The following TRIM37 variants were observed in gnomAD, a reference collection of about 807,000 sequenced individuals.
The protein encoded by TRIM37 is tripartite motif containing 37, also known as E3 ubiquitin-protein ligase TRIM37.
In TRIM37, 80 loss-of-function variants were observed where a neutral mutation model predicts 129.8. The ratio of observed to expected loss-of-function variants is 0.62; its 90% CI spans 0.51 to 0.74. TRIM37 has a LOEUF of 0.74. TRIM37 is among the 30% of genes least tolerant of loss of function. The pLI is 0.00. For missense variants in TRIM37, 1,054 were observed against 1,176.5 expected, an observed-to-expected ratio of 0.90 and a Z score of 1.52; for synonymous variants, 389 against 387.1, an observed-to-expected ratio of 1.00 and a Z score of -0.06.
chr17:59,003,175 C>A (rs1425737343), intron 22 of TRIM37, among the ~76,000 whole-genome samples: 1 of 152,170 alleles, frequency 6.6e-6, no homozygotes, highest in Admixed American at 6.5e-5. Context: ...CCATGCCTGG[C>A]CAATGCTAAA....
At chr17:58,971,557 T>A in the TRIM37 span, among the ~76,000 whole-genome samples, 1 of 152,170 alleles carries the variant, frequency 6.6e-6, no homozygotes, top group Non-Finnish European at 1.5e-5. Context: ...AGGAAGGATA[T>A]TTTTTTAAAG....
At position 59,031,880 on chromosome 17, in the gene TRIM37, A is replaced by G; in HGVS notation, c.1948+16T>C. 2 of 1,612,584 alleles carry G rather than the reference A, an allele frequency of 1.2e-6. No homozygotes were observed. The highest frequency in any genetic ancestry group is 1.3e-5 in the African/African-American group (1 of 74,962). ...AACCACAGAAAAAAAGGAAATTATC[A>G]TTGTTATTATTTTACCTGTGGGCTG... On this transcript the variant is annotated intron_variant, in intron 18 of 23. Coordinates refer to ENST00000262294, the MANE Select transcript of TRIM37 (RefSeq NM_015294.6).
chr17:58,988,995 G>A (rs921883364), intron 24 of TRIM37, among the ~76,000 whole-genome samples: 13 of 152,152 alleles, frequency 8.5e-5, no homozygotes, highest in African/African-American at 3.1e-4. Flanking sequence ...CAGCAGGAAA[G>A]GCCTCCTTAC....
At chr17:59,011,829 A>C (rs1311265282) in intron 22 of TRIM37, among the ~76,000 whole-genome samples, 4 of 152,220 alleles carry the variant, frequency 2.6e-5, no homozygotes, top group Non-Finnish European at 5.9e-5. Context: ...ACACTAATTA[A>C]GACTGACTTT....
rs1015376331 is a variant in TRIM37 at position 59,063,168 on chromosome 17, C to CT, written c.861-521dup. ...GGGAAGAGGGATAAATTCTGTGTGG[C>CT]TTTTTTTTTTTTTGAGATAGAGTTT... is the stretch of plus-strand genomic sequence containing the variant. On this transcript the variant is annotated intron_variant, in intron 10 of 23. Coordinates refer to ENST00000262294, the MANE Select transcript of TRIM37 (RefSeq NM_015294.6). 1.5e-3 allele frequency among the ~76,000 whole-genome samples: 206 copies of CT among 141,212 alleles called. 2 individuals are homozygous for CT. In the East Asian group the frequency reaches 0.021, roughly 14 times the overall value. 92.6% of individuals were successfully genotyped at this position (141,212 alleles called of 152,430 possible).
intron 9 of TRIM37, among the ~76,000 whole-genome samples, chr17:59,067,486 G>GA (rs1301701363): frequency 1.3e-5 from 2 of 151,780 alleles, no homozygotes; most frequent in Non-Finnish European, 2.9e-5. Flanking sequence ...TCAACAAAGG[G>GA]AAAAAAGGGA....
chr17:59,084,113 A>G (rs756755900), intron 4 of TRIM37, 24 bp from the exon 5 acceptor site: 1 of 1,579,306 alleles, frequency 6.3e-7, no homozygotes, highest in South Asian at 1.1e-5. Flanking sequence ...AAAGAAAATG[A>G]AGTTATAAAT....
In TRIM37 at chr17:58,998,382, T is replaced by C. The variant is rs1567925129; in HGVS notation, c.*995A>G. 11 of 985,384 alleles carry C rather than the reference T, an allele frequency of 1.1e-5. No homozygotes were observed. The highest frequency in any genetic ancestry group is 1.3e-5 in the Non-Finnish European group (11 of 829,902). 61.0% of individuals were successfully genotyped at this position (985,384 alleles called of 1,614,324 possible). A position where few individuals can be genotyped will look rare whatever the true frequency, so the allele number is the denominator to read the frequency against. On this transcript the variant is annotated 3_prime_UTR_variant, in exon 24 of 24. Coordinates refer to ENST00000262294, the MANE Select transcript of TRIM37 (RefSeq NM_015294.6). Reference sequence around the variant, plus strand: ...AATTATTCATGCTTTTTCAATAGTCTCTTAGTCAACTTTCAGTGTAATTTC... The same window carrying C: ...AATTATTCATGCTTTTTCAATAGTCCCTTAGTCAACTTTCAGTGTAATTTC...
intron 24 of TRIM37, among the ~76,000 whole-genome samples, chr17:58,986,516 T>TA: frequency 6.7e-6 from 1 of 149,426 alleles, no homozygotes; most frequent in African/African-American, 2.5e-5. Context: ...TTTTTTTTTT[T>TA]TTTTTTCTTT....
chr17:59,055,664 C>T (rs1308057663), intron 13 of TRIM37, among the ~76,000 whole-genome samples: 5 of 123,362 alleles, frequency 4.1e-5, no homozygotes, highest in Admixed American at 2.2e-4. Context: ...CGCCTCTGGG[C>T]GACAGAGGGA....
intron 14 of TRIM37, among the ~76,000 whole-genome samples, chr17:59,050,832 T>G (rs879772509): frequency 1.3e-5 from 2 of 151,762 alleles, no homozygotes; most frequent in Non-Finnish European, 2.9e-5. Context: ...ACAAAAAAAT[T>G]AGCCCGGTGT....
intron 24 of TRIM37, chr17:58,983,599 G>A (rs2031520267): frequency 6.6e-6 from 1 of 152,590 alleles, no homozygotes; most frequent in Non-Finnish European, 1.5e-5. Flanking sequence ...TGTACCTGGT[G>A]ATTGTAAAAA....
chr17:58,971,568 G>T, the TRIM37 span, among the ~76,000 whole-genome samples: 1 of 152,054 alleles, frequency 6.6e-6, no homozygotes, highest in Admixed American at 6.6e-5. Flanking sequence ...TTTTTTAAAG[G>T]TATAAGCATC....
chr17:59,005,232 T>C (rs1186542839), intron 22 of TRIM37, among the ~76,000 whole-genome samples: 2 of 152,174 alleles, frequency 1.3e-5, no homozygotes, highest in African/African-American at 2.4e-5. Context: ...CAAATCTACA[T>C]TATTCTTTTA....
intron 9 of TRIM37, among the ~76,000 whole-genome samples, chr17:59,068,815 A>G (rs1273767622): frequency 2.6e-5 from 4 of 152,170 alleles, no homozygotes; most frequent in Non-Finnish European, 4.4e-5. Context: ...ATAACGAGTA[A>G]GAAGGGCTTA....
chr17:58,998,179 AT>A (rs2033192997), downstream of TRIM37: 1 of 983,076 alleles, frequency 1.0e-6, no homozygotes, highest in Non-Finnish European at 1.2e-6. Flanking sequence ...TCTGGTCCCA[AT>A]TTAATAAACA....
chr17:59,069,244 G>A (rs1239688963), intron 9 of TRIM37, among the ~76,000 whole-genome samples: 2 of 152,036 alleles, frequency 1.3e-5, no homozygotes, highest in Non-Finnish European at 2.9e-5. Flanking sequence ...CTACCCAGGA[G>A]GCTGAGGTGT....
At chr17:59,068,007 G>A (rs2042054452) in intron 9 of TRIM37, among the ~76,000 whole-genome samples, 1 of 152,184 alleles carries the variant, frequency 6.6e-6, no homozygotes, top group African/African-American at 2.4e-5. Context: ...CCACTGCTTT[G>A]CATATCTAAA....
chr17:59,011,094 G>A (rs2035199106), intron 22 of TRIM37, among the ~76,000 whole-genome samples: 2 of 151,878 alleles, frequency 1.3e-5, no homozygotes, highest in East Asian at 2.0e-4. Flanking sequence ...GCTTGAACCC[G>A]GGAGTTGGAG....
Sources: gnomAD v4.1 joint callset for allele counts (sites outside exome capture counted in the v4.1 genomes callset) on GRCh38, gnomAD v4.1.1 for gene constraint, MANE v1.5 for transcripts, NCBI Gene and HGNC (gene_info 2026-07-23, HGNC 2026-07-21) for gene names.